Variants in PRKCE observed in about 807,000 individuals in gnomAD.
PRKCE encodes the protein protein kinase C epsilon type.
In PRKCE, 16 loss-of-function variants were observed where a neutral mutation model predicts 85.4. That is an observed-to-expected ratio of 0.19 (90% CI 0.13 to 0.28). The LOEUF (loss-of-function observed/expected upper bound fraction) is 0.28. Ranked by LOEUF, PRKCE falls within the 10% of genes least tolerant of loss-of-function variation. PRKCE has a pLI of 1.00. For synonymous variants in PRKCE, 388 were observed against 371.5 expected, an observed-to-expected ratio of 1.04 and a Z score of -0.51; for missense variants, 573 against 975.2, an observed-to-expected ratio of 0.59 and a Z score of 5.49.
intron 2 of PRKCE, among the ~76,000 whole-genome samples, chr2:45,885,002 T>TATTTTTTTTTTTTTTTTG (rs1553440407): frequency 1.0e-5 from 1 of 97,642 alleles, no homozygotes; most frequent in Non-Finnish European, 2.1e-5. Context: ...TATATATATA[T>TATTTTTTTTTTTTTTTTG]TTGTTGTTGT....
intron 10 of PRKCE, chr2:46,078,255 G>T (rs987720777): frequency 3.3e-5 from 5 of 151,816 alleles, no homozygotes; most frequent in African/African-American, 1.2e-4. Context: ...GGGGCCGGAC[G>T]TGGTGTCTTA....
chr2:45,917,207 C>G lies in PRKCE; in HGVS notation c.413-59222C>G, dbSNP rs183251100. Reference sequence around the variant, plus strand: ...GCTAGACACAAAAGTTTTCCACGTCCCCACCAGATTAGCTAGATACAGAGT... The same window carrying G: ...GCTAGACACAAAAGTTTTCCACGTCGCCACCAGATTAGCTAGATACAGAGT... On this transcript the variant is annotated intron_variant, in intron 2 of 14. Transcript: ENST00000306156. Among the ~76,000 whole-genome samples the G allele has an allele frequency of 9.2e-5, 14 of 152,272 alleles. No individual in the cohort carries two copies. The East Asian group carries it at 2.7e-3, about 29-fold the overall frequency.
At chr2:46,141,017 G>A (rs1675464738) in intron 11 of PRKCE, among the ~76,000 whole-genome samples, 1 of 152,130 alleles carries the variant, frequency 6.6e-6, no homozygotes, top group South Asian at 2.1e-4. Context: ...GATATCGGAA[G>A]CAGGCACTGT....
At chr2:45,813,113 TTCCAG>T (rs1688769402) in intron 1 of PRKCE, among the ~76,000 whole-genome samples, 1 of 152,136 alleles carries the variant, frequency 6.6e-6, no homozygotes, top group East Asian at 1.9e-4. Flanking sequence ...TGGCATCCAG[TTCCAG>T]GAGGCAAAAC....
intron 1 of PRKCE, among the ~76,000 whole-genome samples, chr2:45,830,556 A>T (rs1690340198): frequency 6.6e-6 from 1 of 152,236 alleles, no homozygotes; most frequent in Non-Finnish European, 1.5e-5. Flanking sequence ...GGAGTTTCAG[A>T]AAGAAAATGA....
intron 10 of PRKCE, among the ~76,000 whole-genome samples, chr2:46,031,837 A>G (rs897999866): frequency 2.0e-5 from 3 of 152,030 alleles, no homozygotes; most frequent in African/African-American, 7.3e-5. Flanking sequence ...TGAATATCCC[A>G]CATGCTCCTC....
At chr2:45,986,861 G>A (rs1264648136) in intron 6 of PRKCE, among the ~76,000 whole-genome samples, 1 of 152,080 alleles carries the variant, frequency 6.6e-6, no homozygotes, top group Non-Finnish European at 1.5e-5. Context: ...TGAACAAAAT[G>A]GGGCCTGCCT....
chr2:46,169,694 CT>C (rs1678701909), intron 14 of PRKCE, among the ~76,000 whole-genome samples: 2 of 152,304 alleles, frequency 1.3e-5, no homozygotes, highest in South Asian at 2.1e-4. Context: ...TCCGTCCCCC[CT>C]AGCGCAGCAG....
rs557411615 is a variant in PRKCE, at chr2:46,155,362, C to T, written c.1920+4133C>T. Among the ~76,000 whole-genome samples the T allele has an allele frequency of 1.1e-3, 171 of 152,248 alleles. No individual in the cohort carries two copies. The highest frequency in any genetic ancestry group is 3.5e-3 in the African/African-American group (144 of 41,528). ...CTCAGCTCCTTGCTGGTGTCACTCG[C>T]GGGCCCCTGTTCGGCTCCTTCATGA... On this transcript the variant is annotated intron_variant, in intron 13 of 14. Coordinates refer to ENST00000306156, the MANE Select transcript of PRKCE (RefSeq NM_005400.3). The surrounding 1 kb of genome is among the most constrained non-coding windows in gnomAD (Gnocchi z 4.7).
At chr2:46,162,152 G>A (rs1408265593) in intron 14 of PRKCE, among the ~76,000 whole-genome samples, 1 of 152,180 alleles carries the variant, frequency 6.6e-6, no homozygotes, top group Admixed American at 6.5e-5. Flanking sequence ...GTATGAGGGG[G>A]TCTGGGAGCC....
rs1350964475 is a variant in PRKCE at position 45,976,591 on chromosome 2, A to G, written c.572+3A>G. 1 of 1,599,310 alleles carries G rather than the reference A, an allele frequency of 6.3e-7. No individual in the cohort carries two copies. Among genetic ancestry groups the G allele is most frequent in the Non-Finnish European group, 8.5e-7 (1 of 1,179,774 alleles). On this transcript the variant is annotated splice_donor_region_variant and intron_variant, in intron 3 of 14. Coordinates refer to ENST00000306156, the MANE Select transcript of PRKCE (RefSeq NM_005400.3). ...TCCCATTGCAGAGACTTCATCTGGT[A>G]AGCCTTTCTCTTGGGAACCTCTAAT... is the stretch of plus-strand genomic sequence containing the variant.
chr2:45,721,087 A>G (rs1173267220), intron 1 of PRKCE, among the ~76,000 whole-genome samples: 2 of 152,180 alleles, frequency 1.3e-5, no homozygotes, highest in African/African-American at 2.4e-5. Flanking sequence ...AGCCTGGGCG[A>G]CACAGCGAGA....
At chr2:46,009,092 A>G (rs1705445200) in intron 9 of PRKCE, among the ~76,000 whole-genome samples, 1 of 152,210 alleles carries the variant, frequency 6.6e-6, no homozygotes, top group Non-Finnish European at 1.5e-5. Context: ...TAGGTAAATG[A>G]GTGCAAAAAT....
intron 1 of PRKCE, among the ~76,000 whole-genome samples, chr2:45,819,263 A>G (rs975363858): frequency 3.3e-5 from 5 of 152,178 alleles, no homozygotes; most frequent in African/African-American, 1.2e-4. Context: ...CACAAGGAAT[A>G]ATGGGTTTGC....
intron 10 of PRKCE, among the ~76,000 whole-genome samples, chr2:46,085,498 C>T (rs1378549555): frequency 1.3e-5 from 2 of 152,072 alleles, no homozygotes; most frequent in Non-Finnish European, 2.9e-5. Context: ...GCTGTTCTCC[C>T]TCCAGAGGTT....
intron 2 of PRKCE, among the ~76,000 whole-genome samples, chr2:45,874,238 C>T (rs1027257850): frequency 1.3e-5 from 2 of 152,228 alleles, no homozygotes; most frequent in African/African-American, 4.8e-5. Context: ...TCTCCTGGTT[C>T]CTCCCTTCAT....
At chr2:45,700,948 G>A (rs531239517) in intron 1 of PRKCE, among the ~76,000 whole-genome samples, 3 of 152,292 alleles carry the variant, frequency 2.0e-5, no homozygotes, top group South Asian at 4.1e-4. Flanking sequence ...AAGCAAGGAA[G>A]GACCCTCCTT....
chr2:45,764,579 A>C (rs533020374), intron 1 of PRKCE, among the ~76,000 whole-genome samples: 1 of 152,344 alleles, frequency 6.6e-6, no homozygotes, highest in African/African-American at 2.4e-5. Flanking sequence ...AGGGCAATTC[A>C]GATCTGAGGC....
In PRKCE at chr2:45,933,727, C is replaced by T. The variant is rs186292672; in HGVS notation, c.413-42702C>T. 2.4e-3 allele frequency among the ~76,000 whole-genome samples: 365 copies of T among 152,162 alleles called. 2 individuals carry two copies. Among genetic ancestry groups the T allele is most frequent in the African/African-American group, 8.4e-3 (350 of 41,506 alleles). ...TCCTGACCTCGTGATCCGCCCGCCT[C>T]GGCCTCCCAAGGTGCTGGGATTACA... On this transcript the variant is annotated intron_variant, in intron 2 of 14. Transcript: ENST00000306156.
Sources: gnomAD v4.1 joint callset for allele counts (sites outside exome capture counted in the v4.1 genomes callset) on GRCh38, gnomAD v4.1.1 for gene constraint, Gnocchi (gnomAD v3.1) non-coding constraint, MANE v1.5 for transcripts, NCBI Gene and HGNC (gene_info 2026-07-23, HGNC 2026-07-21) for gene names.